MAST4: variants seen among roughly 807,000 people sequenced by gnomAD.
MAST4 encodes microtubule-associated serine/threonine-protein kinase 4.
Under a neutral mutation model 162.7 loss-of-function variants are expected in MAST4, and 89 were observed. The observed-to-expected ratio is 0.55, with a 90% CI of 0.46 to 0.65. The LOEUF is 0.65. MAST4 is among the 30% of genes least tolerant of loss of function. The pLI is 0.00. For synonymous variants in MAST4, 1,479 were observed against 1,361.1 expected (o/e 1.09, Z -1.91); for missense variants, 3,153 against 3,374.0 (o/e 0.93, Z 1.62).
intron 1 of MAST4, among the ~76,000 whole-genome samples, chr5:66,677,633 T>C (rs1301380364): frequency 6.6e-6 from 1 of 152,198 alleles, no homozygotes. Flanking sequence ...GTCTCTGCTA[T>C]GCAAAGGGAG....
At chr5:66,874,474 G>C (rs1043552857) in intron 3 of MAST4, among the ~76,000 whole-genome samples, 3 of 152,142 alleles carry the variant, frequency 2.0e-5, no homozygotes, top group African/African-American at 7.2e-5. Context: ...TGGAAGCTTT[G>C]CTGATCCAGA....
chr5:67,057,716 G>A (rs758198380), intron 5 of MAST4, among the ~76,000 whole-genome samples: 2 of 151,480 alleles, frequency 1.3e-5, no homozygotes, highest in African/African-American at 2.4e-5. Flanking sequence ...AAAGACTAGT[G>A]TACCTCTCTT....
chr5:66,703,920 A>G (rs1488842583), intron 1 of MAST4, among the ~76,000 whole-genome samples: 1 of 152,206 alleles, frequency 6.6e-6, no homozygotes. Flanking sequence ...TGAAGCATTA[A>G]CACAACAAAC....
At chr5:66,717,767 A>C (rs551371023) in intron 1 of MAST4, among the ~76,000 whole-genome samples, 1 of 152,354 alleles carries the variant, frequency 6.6e-6, no homozygotes, top group South Asian at 2.1e-4. Context: ...TGGAGGCTGC[A>C]GCTAATCTCC....
At chr5:66,654,930 A>G (rs1287133558) in intron 1 of MAST4, among the ~76,000 whole-genome samples, 1 of 152,078 alleles carries the variant, frequency 6.6e-6, no homozygotes, top group African/African-American at 2.4e-5. Flanking sequence ...ATTTACATTG[A>G]AATTGTAGGT....
At chr5:66,872,972 T>C (rs1445324697) in intron 3 of MAST4, among the ~76,000 whole-genome samples, 1 of 152,234 alleles carries the variant, frequency 6.6e-6, no homozygotes, top group Non-Finnish European at 1.5e-5. Flanking sequence ...ATGCAGTGTG[T>C]TCTATAGTAC....
At chr5:67,023,546 G>C (rs1561543801) in intron 4 of MAST4, among the ~76,000 whole-genome samples, 1 of 152,168 alleles carries the variant, frequency 6.6e-6, no homozygotes, top group Non-Finnish European at 1.5e-5. Flanking sequence ...ATCAAAGTGA[G>C]AAAGTCTTTC....
chr5:66,659,392 T>A (rs1746759852), intron 1 of MAST4, among the ~76,000 whole-genome samples: 1 of 152,234 alleles, frequency 6.6e-6, no homozygotes, highest in African/African-American at 2.4e-5. Flanking sequence ...CGTTGCCATA[T>A]GTATCCATCT....
chr5:66,787,931 C>T (rs747466200), intron 2 of MAST4, among the ~76,000 whole-genome samples: 7 of 152,118 alleles, frequency 4.6e-5, no homozygotes, highest in African/African-American at 7.2e-5. Context: ...CCTAATTTTC[C>T]TGAAGTCAAA....
chr5:66,814,881 C>G (rs2149720663), intron 3 of MAST4, among the ~76,000 whole-genome samples: 2 of 152,172 alleles, frequency 1.3e-5, no homozygotes, highest in South Asian at 4.2e-4. Context: ...GGCTGCAGAT[C>G]ACTGCTGCAA....
intron 1 of MAST4, among the ~76,000 whole-genome samples, chr5:66,730,300 T>G (rs1245080469): frequency 1.3e-5 from 2 of 152,308 alleles, no homozygotes; most frequent in East Asian, 3.9e-4. Flanking sequence ...AACATCCTCT[T>G]TTTTTAGAGG....
intron 3 of MAST4, among the ~76,000 whole-genome samples, chr5:66,789,988 A>ATTTTTTTTTTTTTTTTTT (rs57743987): frequency 2.1e-4 from 11 of 52,472 alleles, no homozygotes; most frequent in African/African-American, 3.4e-4. Flanking sequence ...GCTTATTAGA[A>ATTTTTTTTTTTTTTTTTT]TTTTTTTTTT....
intron 1 of MAST4, among the ~76,000 whole-genome samples, chr5:66,663,722 T>C (rs1427886188): frequency 6.6e-6 from 1 of 152,172 alleles, no homozygotes; most frequent in Non-Finnish European, 1.5e-5. Context: ...GCAGATTATA[T>C]AGGACCTGTG....
intron 4 of MAST4, among the ~76,000 whole-genome samples, chr5:66,970,763 G>A (rs1230791177): frequency 5.3e-5 from 8 of 152,190 alleles, no homozygotes; most frequent in Non-Finnish European, 1.2e-4. Context: ...TCTTAGTGCT[G>A]CACGTATGTT....
At chr5:66,994,506 T>G (rs1294245192) in intron 4 of MAST4, among the ~76,000 whole-genome samples, 2 of 152,250 alleles carry the variant, frequency 1.3e-5, no homozygotes, top group Non-Finnish European at 2.9e-5. Flanking sequence ...GTCACTATAT[T>G]GAGTAACTTG....
rs561578146 is a variant in MAST4, at chr5:66,713,442, G to A, written c.364-46267G>A. On this transcript the variant is annotated intron_variant, in intron 1 of 28. Coordinates refer to ENST00000403625, the MANE Select transcript of MAST4 (RefSeq NM_001164664.2). ...AGTGTATGGATACCCCTGAGCATGA[G>A]CTCTATAATTACTTCACCCTTCTAC... is the stretch of plus-strand genomic sequence containing the variant. 2.0e-5 allele frequency among the ~76,000 whole-genome samples: 3 copies of A among 152,268 alleles called. No homozygotes were observed. In the East Asian group the frequency reaches 5.8e-4, roughly 29 times the overall value.
chr5:66,981,269 C>T (rs58677872), intron 4 of MAST4, among the ~76,000 whole-genome samples: 5,359 of 152,156 alleles, frequency 0.035, 271 homozygotes, highest in African/African-American at 0.12. Flanking sequence ...TAATAATGTT[C>T]TTATTTATTG....
intron 4 of MAST4, among the ~76,000 whole-genome samples, chr5:66,954,920 G>C (rs920657065): frequency 2.8e-5 from 4 of 145,240 alleles, no homozygotes; most frequent in Non-Finnish European, 2.9e-5. Flanking sequence ...AGGGAGAAAG[G>C]CCAGATATAC....
At chr5:66,628,160 G>A (rs576914365) in intron 1 of MAST4, among the ~76,000 whole-genome samples, 2 of 151,946 alleles carry the variant, frequency 1.3e-5, no homozygotes, top group African/African-American at 4.8e-5. Flanking sequence ...AGCCTCCCGA[G>A]CAGCTAGGAC....
Sources: allele counts gnomAD v4.1 joint callset (sites outside exome capture counted in the v4.1 genomes callset), GRCh38; gene constraint gnomAD v4.1.1; transcripts MANE v1.5; gene names NCBI Gene and HGNC (gene_info 2026-07-23, HGNC 2026-07-21).